Variants in MYO16 observed in about 807,000 individuals in gnomAD.
The protein encoded by MYO16 is myosin XVI, also known as unconventional myosin-XVI.
MYO16 carries 94 observed loss-of-function variants against 205.3 expected under a neutral mutation model. That is an observed-to-expected ratio of 0.46 (90% CI 0.39 to 0.54). The LOEUF (loss-of-function observed/expected upper bound fraction) is 0.54, where lower values mean the gene tolerates loss of function less well. MYO16 is among the 20% of genes least tolerant of loss of function. The pLI is 0.00. For synonymous variants in MYO16, 988 were observed against 954.0 expected (o/e 1.04, Z -0.66); for missense variants, 2,315 against 2,387.5 (o/e 0.97, Z 0.63).
intron 16 of MYO16, among the ~76,000 whole-genome samples, chr13:108,943,467 A>AT (rs888489727): frequency 1.1e-4 from 17 of 150,674 alleles, no homozygotes; most frequent in South Asian, 2.1e-4. Context: ...TATTTTTTTT[A>AT]TTTTTTTTGA....
At chr13:108,601,705 A>G (rs1878770004) in intron 1 of MYO16, among the ~76,000 whole-genome samples, 2 of 152,068 alleles carry the variant, frequency 1.3e-5, no homozygotes, top group Admixed American at 1.3e-4. Context: ...CCCTGCCCTG[A>G]GCCTAGTCCT....
At chr13:108,920,971 T>C (rs1001290665) in intron 16 of MYO16, among the ~76,000 whole-genome samples, 8 of 152,182 alleles carry the variant, frequency 5.3e-5, no homozygotes, top group African/African-American at 1.9e-4. Flanking sequence ...AAATGTCTGC[T>C]TGGAGACCCC....
intron 34 of MYO16, among the ~76,000 whole-genome samples, chr13:109,191,942 G>A (rs1879935271): frequency 6.6e-6 from 1 of 152,162 alleles, no homozygotes; most frequent in Non-Finnish European, 1.5e-5. Flanking sequence ...TTCTGCTCAA[G>A]ATATCAGAGA....
chr13:108,961,051 C>T (rs188546471), intron 17 of MYO16, among the ~76,000 whole-genome samples: 8 of 152,184 alleles, frequency 5.3e-5, no homozygotes, highest in South Asian at 2.1e-4. Flanking sequence ...CTGTAATCAT[C>T]GTGTTAATTT....
At chr13:108,562,659 A>G in the MYO16 span, among the ~76,000 whole-genome samples, 183 of 152,310 alleles carry the variant, frequency 1.2e-3, 1 homozygote, top group African/African-American at 4.1e-3. Flanking sequence ...CTGGTCAACA[A>G]TGGTGGTCCC....
the MYO16 span, among the ~76,000 whole-genome samples, chr13:108,538,720 C>A: frequency 6.6e-6 from 1 of 152,040 alleles, no homozygotes; most frequent in South Asian, 2.1e-4. Context: ...AACAGATGCT[C>A]TTTTTATTTA....
At position 108,631,330 on chromosome 13, in the gene MYO16, G is replaced by A. The variant is rs562790086; in HGVS notation, c.28+1458G>A. Among the ~76,000 whole-genome samples, 38 of 152,318 alleles carry A rather than the reference G, an allele frequency of 2.5e-4. No individual in the cohort carries two copies. The South Asian group carries it at 2.7e-3, about 11-fold the overall frequency. ...AGCACAAAGGGACAGTGACATGGAC[G>A]TGAGAGATTCAGGGAGCAGTTGGTC... is the stretch of plus-strand genomic sequence containing the variant. On this transcript the variant is annotated intron_variant, in intron 1 of 34. Transcript: ENST00000457511.
chr13:108,525,573 G>A, the MYO16 span, among the ~76,000 whole-genome samples: 5 of 152,152 alleles, frequency 3.3e-5, no homozygotes, highest in Admixed American at 2.0e-4. Flanking sequence ...TTCAGACATC[G>A]TTACAATGTT....
At chr13:108,837,481 A>C (rs1876990359) in intron 9 of MYO16, among the ~76,000 whole-genome samples, 1 of 152,162 alleles carries the variant, frequency 6.6e-6, no homozygotes, top group African/African-American at 2.4e-5. Flanking sequence ...TTAGTGACTT[A>C]TTTTTGAGAT....
intron 33 of MYO16, among the ~76,000 whole-genome samples, chr13:109,172,149 T>A (rs1878948542): frequency 6.6e-6 from 1 of 152,222 alleles, no homozygotes; most frequent in Admixed American, 6.5e-5. Flanking sequence ...AGCCTTTGGT[T>A]GGAACCCATA....
At chr13:108,741,401 A>G (rs549207963) in intron 4 of MYO16, among the ~76,000 whole-genome samples, 1 of 152,328 alleles carries the variant, frequency 6.6e-6, no homozygotes, top group East Asian at 1.9e-4. Flanking sequence ...AATTAGGAAC[A>G]CTGGATAGCA....
intron 20 of MYO16, among the ~76,000 whole-genome samples, chr13:108,990,906 C>T (rs1237761203): frequency 6.6e-6 from 1 of 152,118 alleles, no homozygotes; most frequent in Non-Finnish European, 1.5e-5. Context: ...AAACAAAATA[C>T]AGTGCAAAGA....
chr13:108,646,223 A>G (rs1423403313), intron 1 of MYO16, among the ~76,000 whole-genome samples: 1 of 152,180 alleles, frequency 6.6e-6, no homozygotes, highest in Non-Finnish European at 1.5e-5. Context: ...TTCTTAATGT[A>G]TCTGGATTAT....
chr13:109,089,699 C>A (rs1464492386), intron 27 of MYO16, among the ~76,000 whole-genome samples: 3 of 152,222 alleles, frequency 2.0e-5, no homozygotes, highest in Non-Finnish European at 4.4e-5. Context: ...AATAAACTGA[C>A]TGTCTTATGA....
the MYO16 span, among the ~76,000 whole-genome samples, chr13:108,543,394 C>A: frequency 6.6e-6 from 1 of 152,082 alleles, no homozygotes; most frequent in African/African-American, 2.4e-5. Context: ...CCTGTAATCC[C>A]AGCACTTTGG....
chr13:108,880,072 T>C (rs1407847290), intron 12 of MYO16, among the ~76,000 whole-genome samples: 1 of 152,214 alleles, frequency 6.6e-6, no homozygotes, highest in Non-Finnish European at 1.5e-5. Flanking sequence ...TGTGAGATGG[T>C]ATCTCATTGC....
At chr13:108,898,171 G>T (rs372063528) in intron 15 of MYO16, 38 bp downstream of exon 15, 6 of 1,499,870 alleles carry the variant, frequency 4.0e-6, no homozygotes, top group Non-Finnish European at 4.6e-6. Context: ...TTCCTGTGCC[G>T]AGCCAGCATG....
chr13:108,900,281 A>G (rs80236366), intron 15 of MYO16, among the ~76,000 whole-genome samples: 2,309 of 152,230 alleles, frequency 0.015, 55 homozygotes, highest in African/African-American at 0.053. Flanking sequence ...TTAATCAACA[A>G]TCTCTATGAA....
the MYO16 span, among the ~76,000 whole-genome samples, chr13:108,496,476 C>G: frequency 7.2e-5 from 11 of 152,158 alleles, 1 homozygote; most frequent in Admixed American, 6.5e-4. Flanking sequence ...CCCCTCTGCG[C>G]GACCCCAGCT....
Sources: gnomAD v4.1 joint callset for allele counts (sites outside exome capture counted in the v4.1 genomes callset) on GRCh38, gnomAD v4.1.1 for gene constraint, MANE v1.5 for transcripts, NCBI Gene and HGNC (gene_info 2026-07-23, HGNC 2026-07-21) for gene names.